Variants in TNC observed in about 807,000 individuals in gnomAD.
TNC encodes the protein tenascin.
A neutral mutation model predicts 202.4 loss-of-function variants in TNC; 109 were observed. The observed-to-expected ratio is 0.54, with a 90% confidence interval of 0.46 to 0.63. The LOEUF (loss-of-function observed/expected upper bound fraction) is 0.63. Among genes scored for constraint, TNC ranks in the 30% least tolerant of loss-of-function variants. The pLI, the probability that TNC is intolerant of heterozygous loss-of-function variation, is 0.00. For synonymous variants in TNC, 1,007 were observed against 1,089.7 expected, an observed-to-expected ratio of 0.92 and a Z score of 1.50; for missense variants, 2,756 against 2,833.3, an observed-to-expected ratio of 0.97 and a Z score of 0.62.
chr9:115,026,528 C>T lies in TNC; in HGVS notation c.6331+6G>A. ...TTGTAGGCTCTACGTGCAGCCACTA[C>T]TGTACCTGCTGTCCCACTGTACCCC... On this transcript the variant is annotated splice_donor_region_variant and intron_variant, in intron 26 of 27. Transcript: ENST00000350763. The T allele has an allele frequency of 6.2e-7, 1 of 1,613,804 alleles. No individual in the cohort carries two copies. The highest frequency in any genetic ancestry group is 1.1e-5 in the South Asian group (1 of 91,074).
chr9:115,090,838 C>T lies in TNC; in HGVS notation c.181G>A (p.Gly61Arg). ...NHVYNIKLPV[G>R]SQCSVDLESA... ...TCCAGATCCACCGAACACTGGGATCCCACTGGCAGCTTGATGTTGTAAACG... is the reference window on the plus strand; with the variant it reads ...TCCAGATCCACCGAACACTGGGATCTCACTGGCAGCTTGATGTTGTAAACG... The change falls in exon 2 of 28, where the codon GGA becomes AGA. Residue 61 changes from glycine (G) to arginine (R), a missense_variant. By Grantham distance (125) the Gly-to-Arg change is moderately radical (BLOSUM62 -2). This residue lies in a region of TNC where 2,559 missense variants were observed against 2,546.0 expected (regional missense o/e 1.01). Transcript: ENST00000350763. 6.2e-7 allele frequency: 1 copy of T among 1,614,226 alleles called. No individual in the cohort carries two copies. The highest frequency in any genetic ancestry group is 2.2e-5 in the East Asian group (1 of 44,880).
At chr9:115,062,187 G>A (rs1185341530) in intron 13 of TNC, among the ~76,000 whole-genome samples, 2 of 152,174 alleles carry the variant, frequency 1.3e-5, no homozygotes, top group African/African-American at 2.4e-5. Flanking sequence ...TATTTACTAC[G>A]TGATGGGCGC....
intron 7 of TNC, among the ~76,000 whole-genome samples, chr9:115,076,948 A>G (rs116065765): frequency 0.019 from 2,876 of 152,244 alleles, 98 homozygotes; most frequent in African/African-American, 0.066. Flanking sequence ...ACCAGGCTGG[A>G]GTGTGTTGGT....
chr9:115,102,948 A>G (rs938902965), intron 1 of TNC, among the ~76,000 whole-genome samples: 2 of 152,210 alleles, frequency 1.3e-5, no homozygotes, highest in African/African-American at 4.8e-5. Context: ...ATGAACAAAT[A>G]CTCTTACTTT....
At chr9:115,109,102 C>A (rs563687054) in intron 1 of TNC, among the ~76,000 whole-genome samples, 1 of 152,154 alleles carries the variant, frequency 6.6e-6, no homozygotes, top group Non-Finnish European at 1.5e-5. Flanking sequence ...AAGTGTTTCC[C>A]AAACTCATTT....
At chr9:115,111,352 A>C (rs182190685) in intron 1 of TNC, among the ~76,000 whole-genome samples, 1 of 149,260 alleles carries the variant, frequency 6.7e-6, no homozygotes, top group East Asian at 2.0e-4. Context: ...ATTAGGTTAC[A>C]CAGGATTGTG....
In TNC at chr9:115,084,360, G is replaced by A. The variant is rs374065594; in HGVS notation, c.1980C>T (p.His660=). The change falls in exon 4 of 28, where the codon CAC becomes CAT. Residue 660 remains histidine (H), a synonymous_variant. Transcript: ENST00000350763. ...GGAACTGCATTTCCAGACCACCCTC[G>A]TGGGTGGGCGTGTACACGACAAGGT... ...TEYLVVYTPT[H]EGGLEMQFRV... is the part of the protein sequence containing the mutation. The A allele has an allele frequency of 9.6e-5, 155 of 1,614,060 alleles. No homozygotes were observed. Among genetic ancestry groups the A allele is most frequent in the African/African-American group, 3.3e-4 (25 of 74,926 alleles).
chr9:115,053,629 T>C (rs1168569630), intron 15 of TNC, among the ~76,000 whole-genome samples: 1 of 152,248 alleles, frequency 6.6e-6, no homozygotes, highest in African/African-American at 2.4e-5. Context: ...CCATTGAACA[T>C]GTTTTAGAAA....
At chr9:115,111,070 G>A (rs1311443707) in intron 1 of TNC, among the ~76,000 whole-genome samples, 7 of 151,874 alleles carry the variant, frequency 4.6e-5, no homozygotes, top group African/African-American at 1.7e-4. Context: ...TAGTAGAGAC[G>A]GGGTTTCACC....
At chr9:115,068,244 A>C (rs983383587) in intron 10 of TNC, among the ~76,000 whole-genome samples, 13 of 152,222 alleles carry the variant, frequency 8.5e-5, no homozygotes, top group Admixed American at 8.5e-4. Flanking sequence ...TCTTCTTCTT[A>C]CAGCTGTGCA....
At chr9:115,100,698 A>G (rs1233224068) in intron 1 of TNC, among the ~76,000 whole-genome samples, 1 of 152,176 alleles carries the variant, frequency 6.6e-6, no homozygotes, top group Non-Finnish European at 1.5e-5. Context: ...GTATACTTCA[A>G]ATTTGCTAAG....
chr9:115,035,367 G>A, intron 21 of TNC, 33 bp from the exon 22 acceptor site: 1 of 1,587,254 alleles, frequency 6.3e-7, no homozygotes, highest in South Asian at 1.1e-5. Context: ...TATCGGATAA[G>A]ATCAGCAAAT....
intron 10 of TNC, among the ~76,000 whole-genome samples, chr9:115,072,734 A>G (rs1218102448): frequency 6.6e-6 from 1 of 152,214 alleles, no homozygotes; most frequent in East Asian, 1.9e-4. Context: ...TCAGTACGGT[A>G]CAATGTATGC....
intron 1 of TNC, among the ~76,000 whole-genome samples, chr9:115,094,250 C>A (rs1433777856): frequency 6.6e-6 from 1 of 152,166 alleles, no homozygotes; most frequent in Non-Finnish European, 1.5e-5. Flanking sequence ...TCAATAGCCT[C>A]CTTTTACTTA....
Position 115,086,990 on chromosome 9 carries a change from G to T in TNC, c.741C>A (p.Cys247Ter), listed in dbSNP as rs765375914. The T allele has an allele frequency of 6.2e-7, 1 of 1,614,202 alleles. No individual in the cohort carries two copies. Among genetic ancestry groups the T allele is most frequent in the Non-Finnish European group, 8.5e-7 (1 of 1,180,044 alleles). Residue 247 changes from cysteine (C) to a stop codon, truncating the protein, a stop_gained, in exon 3 of 28, where the codon TGC becomes TGA. Transcript: ENST00000350763. LOFTEE classifies it high-confidence loss of function. ...ICFEGYAGAD[C>*]SREICPVPCS... ...AGGGCACTGGGCAGATTTCACGGCT[G>T]CAGTCAGCCCCGGCGTAGCCTTCGA...
Position 115,063,025 on chromosome 9 carries a change from G to T in TNC, c.3925C>A (p.Arg1309Ser). ...AHNLTVPGSL[R>S]SMEIPGLRAG... Reference sequence around the variant, plus strand: ...CTGAGGCCTGGGATTTCCATGGAACGCAGGCTGCCAGGAACCGTGAGATTG... The same window carrying T: ...CTGAGGCCTGGGATTTCCATGGAACTCAGGCTGCCAGGAACCGTGAGATTG... The change falls in exon 13 of 28, where the codon CGT becomes AGT. Residue 1309 changes from arginine to serine, a missense_variant. Around this residue, in one of 2 missense-constraint regions of TNC, gnomAD observed 2,559 missense variants for 2,546.0 expected, o/e 1.01. Coordinates refer to ENST00000350763, the MANE Select transcript of TNC (RefSeq NM_002160.4). 1 of 1,614,078 alleles carries T rather than the reference G, an allele frequency of 6.2e-7. No individual in the cohort carries two copies. Among genetic ancestry groups the T allele is most frequent in the Non-Finnish European group, 8.5e-7 (1 of 1,180,012 alleles).
At chr9:115,075,683 G>T (rs2133117474) in intron 9 of TNC, among the ~76,000 whole-genome samples, 1 of 152,226 alleles carries the variant, frequency 6.6e-6, no homozygotes, top group South Asian at 2.1e-4. Context: ...TACTCGGGAG[G>T]CTGAGGCAGG....
chr9:115,061,799 T>G (rs760983836), intron 13 of TNC, among the ~76,000 whole-genome samples: 24 of 152,210 alleles, frequency 1.6e-4, no homozygotes, highest in Non-Finnish European at 2.9e-4. Context: ...AGAAATCTCA[T>G]GTACAGCACA....
At chr9:115,076,608 T>G in intron 7 of TNC, 33 bp from the exon 8 acceptor site, 1 of 1,608,732 alleles carries the variant, frequency 6.2e-7, no homozygotes, top group South Asian at 1.1e-5. Context: ...GTATTGAACA[T>G]ATCAGTCACA....
Sources: allele counts gnomAD v4.1 joint callset (sites outside exome capture counted in the v4.1 genomes callset), GRCh38; gene constraint gnomAD v4.1.1; regional missense constraint gnomAD v4.1.1; transcripts MANE v1.5; gene names NCBI Gene and HGNC (gene_info 2026-07-23, HGNC 2026-07-21).